The following SUPT3H variants were observed in gnomAD, a reference collection of about 807,000 sequenced individuals.
The protein encoded by SUPT3H is transcription initiation protein SPT3 homolog.
SUPT3H carries 44 observed loss-of-function variants against 44.3 expected under a neutral mutation model. The observed-to-expected ratio is 0.99, with a 90% confidence interval of 0.78 to 1.28. The LOEUF (loss-of-function observed/expected upper bound fraction) is 1.28, where lower values mean the gene tolerates loss of function less well. Among genes scored for constraint, SUPT3H ranks in the 50% most tolerant of loss-of-function variants. SUPT3H has a pLI of 0.00. For synonymous variants in SUPT3H, 124 were observed against 125.6 expected, an observed-to-expected ratio of 0.99 and a Z score of 0.09; for missense variants, 380 against 387.1, an observed-to-expected ratio of 0.98 and a Z score of 0.15.
chr6:45,196,231 G>A (rs567995822), intron 2 of SUPT3H, among the ~76,000 whole-genome samples: 84 of 151,980 alleles, frequency 5.5e-4, no homozygotes, highest in Non-Finnish European at 8.7e-4. Context: ...ATACTGTCCC[G>A]CAGCTGTTTA....
intron 2 of SUPT3H, among the ~76,000 whole-genome samples, chr6:45,230,686 A>ATATTTT (rs796866510): frequency 0.014 from 1,627 of 116,770 alleles, 56 homozygotes; most frequent in African/African-American, 0.045. Flanking sequence ...ATATATATAT[A>ATATTTT]TTTTTGAGAT....
intron 9 of SUPT3H, among the ~76,000 whole-genome samples, chr6:44,951,255 A>G (rs1244545600): frequency 6.8e-6 from 1 of 148,088 alleles, no homozygotes; most frequent in Admixed American, 6.7e-5. Flanking sequence ...TTTTTTTTAA[A>G]CTTCTGTATT....
At chr6:45,221,414 T>C (rs1766037921) in intron 2 of SUPT3H, among the ~76,000 whole-genome samples, 1 of 152,248 alleles carries the variant, frequency 6.6e-6, no homozygotes, top group African/African-American at 2.4e-5. Context: ...GGATACAAGA[T>C]TGACACACAA....
chr6:45,148,195 G>C (rs1806389139), intron 2 of SUPT3H, among the ~76,000 whole-genome samples: 1 of 152,074 alleles, frequency 6.6e-6, no homozygotes, highest in African/African-American at 2.4e-5. Flanking sequence ...AGGAGTTATA[G>C]AAAATTCCTT....
At chr6:45,227,850 T>C (rs1767220001) in intron 2 of SUPT3H, among the ~76,000 whole-genome samples, 1 of 152,196 alleles carries the variant, frequency 6.6e-6, no homozygotes. Context: ...TAAGGCAATA[T>C]AGCTAATGTT....
chr6:45,366,275 G>C (rs1266175633), intron 1 of SUPT3H, among the ~76,000 whole-genome samples: 3 of 152,162 alleles, frequency 2.0e-5, no homozygotes, highest in Non-Finnish European at 4.4e-5. Context: ...GCAGGTTCTG[G>C]GGTCAGACTG....
chr6:45,052,656 T>A (rs1379452278), intron 3 of SUPT3H, among the ~76,000 whole-genome samples: 1 of 152,172 alleles, frequency 6.6e-6, no homozygotes, highest in East Asian at 1.9e-4. Context: ...AAATGCCCCA[T>A]TATTACCAAC....
At chr6:45,337,159 T>G (rs1485223072) in intron 2 of SUPT3H, among the ~76,000 whole-genome samples, 1 of 151,780 alleles carries the variant, frequency 6.6e-6, no homozygotes, top group African/African-American at 2.4e-5. Flanking sequence ...ACTGCCCATA[T>G]GAACAGAACA....
chr6:44,927,440 A>G (rs1769680676), intron 10 of SUPT3H, among the ~76,000 whole-genome samples: 1 of 152,228 alleles, frequency 6.6e-6, no homozygotes, highest in African/African-American at 2.4e-5. Context: ...AGTAATTAAA[A>G]AATGTATCAA....
intron 3 of SUPT3H, among the ~76,000 whole-genome samples, chr6:45,065,247 G>A (rs1793045111): frequency 6.7e-6 from 1 of 148,446 alleles, no homozygotes; most frequent in Admixed American, 6.7e-5. Context: ...AAATAAAGAT[G>A]TTCTTTGAAA....
Position 45,162,778 on chromosome 6 carries a change from G to GA in SUPT3H, c.102-56773dup, listed in dbSNP as rs1340897096. On this transcript the variant is annotated intron_variant, in intron 2 of 10. Transcript: ENST00000371459. ...GTAACGATGCTTGTTCATAGTGATA[G>GA]ATAATATATAAATTATTTTCATGAT... 7.2e-5 allele frequency among the ~76,000 whole-genome samples: 11 copies of GA among 152,158 alleles called. No homozygotes were observed. The South Asian group carries it at 2.3e-3, about 32-fold the overall frequency.
chr6:44,900,524 G>A (rs1561999334), intron 10 of SUPT3H, among the ~76,000 whole-genome samples: 1 of 152,214 alleles, frequency 6.6e-6, no homozygotes, highest in Non-Finnish European at 1.5e-5. Flanking sequence ...AAGCGGCCAG[G>A]AAGCTCGAAC....
chr6:44,961,935 G>C, intron 6 of SUPT3H, 107 bp from the exon 7 acceptor site: 2 of 770,826 alleles, frequency 2.6e-6, no homozygotes, highest in South Asian at 3.6e-5. Flanking sequence ...CTTATTCCAG[G>C]TGAACAGGGT....
chr6:45,094,981 TGTTTATTCTAA>T (rs1044556108), intron 3 of SUPT3H, among the ~76,000 whole-genome samples: 2 of 152,154 alleles, frequency 1.3e-5, no homozygotes, highest in African/African-American at 4.8e-5. Context: ...GTTTTTAGTC[TGTTTATTCTAA>T]ACATATGCTT....
At chr6:44,843,334 A>T (rs576460369) in intron 10 of SUPT3H, among the ~76,000 whole-genome samples, 6 of 152,306 alleles carry the variant, frequency 3.9e-5, no homozygotes, top group African/African-American at 1.4e-4. Flanking sequence ...TTTCTCCATA[A>T]GATCAGGGAT....
chr6:45,312,763 A>C (rs1252664505), intron 2 of SUPT3H, among the ~76,000 whole-genome samples: 1 of 151,898 alleles, frequency 6.6e-6, no homozygotes, highest in Non-Finnish European at 1.5e-5. Context: ...TAATAAATTT[A>C]AACTATACCT....
intron 10 of SUPT3H, among the ~76,000 whole-genome samples, chr6:44,841,376 T>C (rs1421869842): frequency 2.0e-5 from 3 of 152,232 alleles, no homozygotes; most frequent in Admixed American, 6.5e-5. Flanking sequence ...GCTGTGAATA[T>C]GGTTTTTCCC....
intron 2 of SUPT3H, among the ~76,000 whole-genome samples, chr6:45,154,087 A>AAAAAAAAAAAAAAGC (rs70996303): frequency 1.7e-5 from 2 of 114,620 alleles, no homozygotes; most frequent in Admixed American, 9.9e-5. Flanking sequence ...AAAAAAAAAA[A>AAAAAAAAAAAAAAGC]AGCGCTTAGT....
At chr6:44,948,687 T>G (rs1348105755) in intron 9 of SUPT3H, among the ~76,000 whole-genome samples, 1 of 152,004 alleles carries the variant, frequency 6.6e-6, no homozygotes, top group Non-Finnish European at 1.5e-5. Context: ...AAAACCACAA[T>G]GAGATACCAT....
Sources: allele counts gnomAD v4.1 joint callset (sites outside exome capture counted in the v4.1 genomes callset), GRCh38; gene constraint gnomAD v4.1.1; transcripts MANE v1.5; gene names NCBI Gene and HGNC (gene_info 2026-07-23, HGNC 2026-07-21).